The following CNTLN variants were observed in gnomAD, a reference collection of about 807,000 sequenced individuals.
CNTLN encodes the protein centlein, centrosomal protein.
A neutral mutation model predicts 180.0 loss-of-function variants in CNTLN; 212 were observed. The observed-to-expected ratio is 1.18, with a 90% CI of 1.05 to 1.32. The LOEUF is 1.32. CNTLN is among the 40% of genes most tolerant of loss of function. The probability of loss-of-function intolerance (pLI) is 0.00; values close to 1 mark genes in which losing one functional copy is unlikely to be tolerated. For synonymous variants in CNTLN, 722 were observed against 563.1 expected (o/e 1.28, Z -3.99); for missense variants, 2,095 against 1,610.9 (o/e 1.30, Z -5.14).
intron 5 of CNTLN, among the ~76,000 whole-genome samples, chr9:17,270,393 T>C (rs1473891910): frequency 1.3e-5 from 2 of 152,164 alleles, no homozygotes; most frequent in Non-Finnish European, 2.9e-5. Context: ...TCCTTTAATC[T>C]CTTAATGTGG....
chr9:17,376,912 TTAAA>T (rs1467936709), intron 13 of CNTLN, among the ~76,000 whole-genome samples: 2 of 152,180 alleles, frequency 1.3e-5, no homozygotes, highest in African/African-American at 4.8e-5. Flanking sequence ...ACTGTAAACT[TTAAA>T]TAAATGTTTG....
At chr9:17,270,021 C>G (rs866494973) in intron 5 of CNTLN, among the ~76,000 whole-genome samples, 1 of 152,068 alleles carries the variant, frequency 6.6e-6, no homozygotes, top group Non-Finnish European at 1.5e-5. Flanking sequence ...TTGCTCAACT[C>G]TAGCTCTAAG....
chr9:17,305,804 T>C (rs1818666855), intron 7 of CNTLN, among the ~76,000 whole-genome samples: 1 of 152,168 alleles, frequency 6.6e-6, no homozygotes, highest in African/African-American at 2.4e-5. Flanking sequence ...CACAACTGAG[T>C]GATCTCATTA....
chr9:17,305,307 T>G (rs1818632400), intron 7 of CNTLN, among the ~76,000 whole-genome samples: 1 of 152,182 alleles, frequency 6.6e-6, no homozygotes, highest in Non-Finnish European at 1.5e-5. Context: ...ATGTAATACG[T>G]GGTTACATTT....
intron 3 of CNTLN, among the ~76,000 whole-genome samples, chr9:17,227,028 A>G (rs554543079): frequency 6.6e-6 from 1 of 151,894 alleles, no homozygotes; most frequent in East Asian, 1.9e-4. Context: ...GTGGCGATTC[A>G]TCGGTGATCT....
chr9:17,193,528 C>G (rs909913496), intron 2 of CNTLN, among the ~76,000 whole-genome samples: 1 of 152,176 alleles, frequency 6.6e-6, no homozygotes, highest in Non-Finnish European at 1.5e-5. Context: ...TGTCCTTTGA[C>G]TCCAGGTCTC....
At chr9:17,318,272 G>C (rs1587640323) in intron 8 of CNTLN, among the ~76,000 whole-genome samples, 1 of 151,898 alleles carries the variant, frequency 6.6e-6, no homozygotes, top group South Asian at 2.1e-4. Flanking sequence ...CTCGTGATCC[G>C]CCTGCCTCGG....
intron 2 of CNTLN, among the ~76,000 whole-genome samples, chr9:17,152,044 T>G (rs1243659752): frequency 2.0e-5 from 3 of 152,210 alleles, no homozygotes; most frequent in Non-Finnish European, 4.4e-5. Context: ...ATTTGATTCT[T>G]CTTGCTTTTC....
Position 17,356,077 on chromosome 9 carries a change from A to AG in CNTLN, c.1887-10540_1887-10539insG, listed in dbSNP as rs1554698187. Reference sequence around the variant, plus strand: ...AGACTCCATCTCAAAAAAAAAAAAAAAAAAGAAAAAGGAAATCAGTCCAAC... The same window carrying AG: ...AGACTCCATCTCAAAAAAAAAAAAAAGAAAAGAAAAAGGAAATCAGTCCAAC... On this transcript the variant is annotated intron_variant, in intron 12 of 25. Coordinates refer to ENST00000380647, the MANE Select transcript of CNTLN (RefSeq NM_017738.4). Among the ~76,000 whole-genome samples the AG allele has an allele frequency of 6.7e-4, 43 of 64,142 alleles. 1 individual carries two copies. Among genetic ancestry groups the AG allele is most frequent in the Non-Finnish European group, 8.3e-4 (26 of 31,188 alleles). 42.1% of individuals were successfully genotyped at this position (64,142 alleles called of 152,430 possible).
intron 18 of CNTLN, among the ~76,000 whole-genome samples, chr9:17,420,071 C>T (rs1022087535): frequency 2.7e-4 from 41 of 152,080 alleles, no homozygotes; most frequent in African/African-American, 9.9e-4. Flanking sequence ...CGCAACACCA[C>T]GCCTGGCTAA....
At chr9:17,397,902 C>G (rs925675270) in intron 15 of CNTLN, among the ~76,000 whole-genome samples, 4 of 152,108 alleles carry the variant, frequency 2.6e-5, no homozygotes, top group African/African-American at 9.7e-5. Flanking sequence ...CACTCAGCTG[C>G]AAAAGAATTC....
intron 6 of CNTLN, among the ~76,000 whole-genome samples, chr9:17,296,943 T>G (rs1446742954): frequency 6.6e-6 from 1 of 152,192 alleles, no homozygotes; most frequent in Non-Finnish European, 1.5e-5. Context: ...CCTTCTTTCT[T>G]TTAAGACATT....
intron 7 of CNTLN, chr9:17,301,789 T>G: frequency 1.0e-6 from 1 of 979,844 alleles, no homozygotes; most frequent in Non-Finnish European, 1.2e-6. Context: ...ATGTAGTTAT[T>G]TTAAAAAACA....
intron 10 of CNTLN, 77 bp downstream of exon 10, chr9:17,332,807 T>G: frequency 8.5e-7 from 1 of 1,169,944 alleles, no homozygotes; most frequent in African/African-American, 1.6e-5. Flanking sequence ...AGTTCATAGA[T>G]TACTAGTTGT....
Position 17,337,581 on chromosome 9 carries a change from A to G in CNTLN, c.1645-3246A>G, listed in dbSNP as rs376091295. 5.3e-4 allele frequency among the ~76,000 whole-genome samples: 81 copies of G among 152,330 alleles called. 3 individuals are homozygous for G. Among genetic ancestry groups the G allele is most frequent in the African/African-American group, 1.9e-3 (77 of 41,586 alleles). On this transcript the variant is annotated intron_variant, in intron 10 of 25. Coordinates refer to ENST00000380647, the MANE Select transcript of CNTLN (RefSeq NM_017738.4). ...TTATTAATTAAAGTGCCTAGTACAG[A>G]GTCTGGCACATCATGAATGACATAT... is the stretch of plus-strand genomic sequence containing the variant.
intron 7 of CNTLN, among the ~76,000 whole-genome samples, chr9:17,307,768 C>T (rs1049866788): frequency 7.2e-5 from 11 of 151,772 alleles, no homozygotes; most frequent in Non-Finnish European, 1.5e-4. Flanking sequence ...GTACACAAAT[C>T]CTAGGTTTCT....
intron 2 of CNTLN, among the ~76,000 whole-genome samples, chr9:17,207,278 G>C (rs1822991056): frequency 6.6e-6 from 1 of 152,190 alleles, no homozygotes; most frequent in South Asian, 2.1e-4. Context: ...GATAAAGCTT[G>C]TTTACCCTTA....
At chr9:17,514,689 G>A in the CNTLN span, among the ~76,000 whole-genome samples, 3 of 152,166 alleles carry the variant, frequency 2.0e-5, no homozygotes, top group African/African-American at 7.2e-5. Context: ...GGTTTTTGAA[G>A]GGAAGCCCGG....
At chr9:17,293,915 A>T (rs529147823) in intron 6 of CNTLN, among the ~76,000 whole-genome samples, 1 of 152,184 alleles carries the variant, frequency 6.6e-6, no homozygotes, top group Non-Finnish European at 1.5e-5. Context: ...CCGTGGAAAA[A>T]GCGTGGTTTC....
Sources: allele counts gnomAD v4.1 joint callset (sites outside exome capture counted in the v4.1 genomes callset), GRCh38; gene constraint gnomAD v4.1.1; transcripts MANE v1.5; gene names NCBI Gene and HGNC (gene_info 2026-07-23, HGNC 2026-07-21).